MTUS2: variants seen among roughly 807,000 people sequenced by gnomAD.
MTUS2 encodes microtubule-associated tumor suppressor candidate 2.
In MTUS2, 40 loss-of-function variants were observed where a neutral mutation model predicts 114.1. The observed-to-expected ratio is 0.35, with a 90% confidence interval of 0.27 to 0.46. The LOEUF (loss-of-function observed/expected upper bound fraction) is 0.46, where lower values mean the gene tolerates loss of function less well. Among genes scored for constraint, MTUS2 ranks in the 20% least tolerant of loss-of-function variants. The pLI, the probability that MTUS2 is intolerant of heterozygous loss-of-function variation, is 1.00. For synonymous variants in MTUS2, 688 were observed against 672.0 expected (o/e 1.02, Z -0.37); for missense variants, 1,679 against 1,705.4 (o/e 0.98, Z 0.27).
rs1874043692 is a variant in MTUS2 at position 28,823,409 on chromosome 13, TTTCTCTGAAATGATTTC to T, written c.-316+2800_-316+2816del. 2.0e-5 allele frequency among the ~76,000 whole-genome samples: 3 copies of T among 152,220 alleles called. No homozygotes were observed. In the South Asian group the frequency reaches 6.2e-4, roughly 31 times the overall value. On this transcript the variant is annotated intron_variant, in intron 1 of 15. Coordinates refer to ENST00000612955, the MANE Select transcript of MTUS2 (RefSeq NM_001033602.4). ...TGAAAAGAGTCAAGGAGTTTCCCCT[TTTCTCTGAAATGATTTC>T]TACTTCCTATGTGAATTTGGATGCC...
chr13:29,143,899 G>A (rs1219610669), intron 5 of MTUS2, among the ~76,000 whole-genome samples: 2 of 152,208 alleles, frequency 1.3e-5, no homozygotes. Context: ...TTAACCAAGA[G>A]ATATTAGAGG....
At chr13:29,273,490 T>G (rs1897951868) in intron 5 of MTUS2, among the ~76,000 whole-genome samples, 1 of 152,130 alleles carries the variant, frequency 6.6e-6, no homozygotes, top group Admixed American at 6.5e-5. Flanking sequence ...GAATCACAAT[T>G]TAAGGAACTT....
In MTUS2 at chr13:29,495,411, G is replaced by A. The variant is rs185894686; in HGVS notation, c.3580-1827G>A. On this transcript the variant is annotated intron_variant, in intron 12 of 15. Coordinates refer to ENST00000612955, the MANE Select transcript of MTUS2 (RefSeq NM_001033602.4). ...TAACTGGAAAAGAGAACAAAAAAGAGGAAAAGAAACCTACTCAGGGAGGTT... is the reference window on the plus strand; with the variant it reads ...TAACTGGAAAAGAGAACAAAAAAGAAGAAAAGAAACCTACTCAGGGAGGTT... Among the ~76,000 whole-genome samples, 6 of 149,186 alleles carry A rather than the reference G, an allele frequency of 4.0e-5. No individual in the cohort carries two copies. In the East Asian group the frequency reaches 9.8e-4, roughly 24 times the overall value.
intron 2 of MTUS2, among the ~76,000 whole-genome samples, chr13:28,863,890 C>T (rs1369196039): frequency 6.6e-6 from 1 of 152,106 alleles, no homozygotes; most frequent in Non-Finnish European, 1.5e-5. Flanking sequence ...GAGATAGGTT[C>T]TCACTATGTC....
intron 5 of MTUS2, among the ~76,000 whole-genome samples, chr13:29,227,258 C>CAAAAAAA (rs10680419): frequency 1.7e-5 from 2 of 120,630 alleles, no homozygotes; most frequent in East Asian, 2.2e-4. Context: ...GACTCCGTCT[C>CAAAAAAA]AAAAAAAAAA....
intron 6 of MTUS2, among the ~76,000 whole-genome samples, chr13:29,289,955 C>G (rs1898638850): frequency 6.6e-6 from 1 of 152,188 alleles, no homozygotes; most frequent in Admixed American, 6.5e-5. Flanking sequence ...ACCCCACATT[C>G]TGCTCTGCCC....
At chr13:28,851,645 G>C (rs1178457944) in intron 2 of MTUS2, among the ~76,000 whole-genome samples, 2 of 152,192 alleles carry the variant, frequency 1.3e-5, no homozygotes, top group African/African-American at 4.8e-5. Flanking sequence ...CCTGAAGCAC[G>C]CACAGTTCCA....
intron 9 of MTUS2, among the ~76,000 whole-genome samples, chr13:29,468,560 G>A (rs1479034708): frequency 6.6e-6 from 1 of 151,516 alleles, no homozygotes; most frequent in Non-Finnish European, 1.5e-5. Context: ...CAGCCCCGGT[G>A]ACAGGGTGAG....
chr13:29,429,309 A>G (rs534105898), intron 8 of MTUS2, among the ~76,000 whole-genome samples: 1 of 152,364 alleles, frequency 6.6e-6, no homozygotes, highest in South Asian at 2.1e-4. Context: ...GCTAACTTTG[A>G]AAGTTTACCA....
At chr13:29,487,253 G>T (rs536889060) in intron 10 of MTUS2, among the ~76,000 whole-genome samples, 165 of 152,260 alleles carry the variant, frequency 1.1e-3, no homozygotes, top group Non-Finnish European at 1.9e-3. Context: ...AGTCTTGCTT[G>T]GGGGAGGTGA....
intron 5 of MTUS2, among the ~76,000 whole-genome samples, chr13:29,108,659 A>G (rs765755084): frequency 6.6e-6 from 1 of 152,190 alleles, no homozygotes; most frequent in Non-Finnish European, 1.5e-5. Context: ...ACATAAAGCC[A>G]TGCAGGGAAA....
chr13:28,855,937 T>C (rs545155067), intron 2 of MTUS2, among the ~76,000 whole-genome samples: 3 of 152,308 alleles, frequency 2.0e-5, no homozygotes, highest in African/African-American at 7.2e-5. Flanking sequence ...CAGTATCTGT[T>C]GTTTCTTGAC....
intron 5 of MTUS2, among the ~76,000 whole-genome samples, chr13:29,113,507 G>A (rs898879464): frequency 1.2e-4 from 19 of 152,248 alleles, no homozygotes; most frequent in African/African-American, 4.1e-4. Context: ...CTCTTGATAC[G>A]GTAGCCACTA....
At chr13:29,457,061 C>T (rs1056404274) in intron 9 of MTUS2, among the ~76,000 whole-genome samples, 48 of 150,608 alleles carry the variant, frequency 3.2e-4, no homozygotes, top group Non-Finnish European at 7.4e-5. Flanking sequence ...AGGAGAATGG[C>T]GTGAACCCAG....
rs1027653972 is a variant in MTUS2 at position 29,380,945 on chromosome 13, A to G, written c.3117+21472A>G. Among the ~76,000 whole-genome samples, 89 of 151,650 alleles carry G rather than the reference A, an allele frequency of 5.9e-4. 16 individuals are homozygous for G. Among genetic ancestry groups the G allele is most frequent in the African/African-American group, 2.0e-3 (84 of 41,122 alleles). ...CTCAAAAAAAAAAAAAAAAAAAAAA[A>G]AAAGACATCAGCTTTGGCTGCTGAC... On this transcript the variant is annotated intron_variant, in intron 8 of 15. Coordinates refer to ENST00000612955, the MANE Select transcript of MTUS2 (RefSeq NM_001033602.4).
At chr13:29,138,725 A>G (rs769381346) in intron 5 of MTUS2, among the ~76,000 whole-genome samples, 1 of 148,644 alleles carries the variant, frequency 6.7e-6, no homozygotes, top group Non-Finnish European at 1.5e-5. Flanking sequence ...ATGATAAATA[A>G]ATTTTTTCTT....
intron 5 of MTUS2, among the ~76,000 whole-genome samples, chr13:29,159,373 T>C (rs970207077): frequency 6.6e-5 from 10 of 152,170 alleles, no homozygotes; most frequent in Admixed American, 2.6e-4. Context: ...ATACGTACTC[T>C]GGACTTAAAT....
chr13:29,341,711 C>T (rs1211009888), intron 7 of MTUS2, among the ~76,000 whole-genome samples: 1 of 152,046 alleles, frequency 6.6e-6, no homozygotes, highest in African/African-American at 2.4e-5. Context: ...TCATAAAATC[C>T]TTGCCAAAGC....
Position 29,026,028 on chromosome 13 carries a change from C to A in MTUS2, c.1330C>A (p.Leu444Met). The A allele has an allele frequency of 6.2e-7, 1 of 1,613,960 alleles. No individual in the cohort carries two copies. The highest frequency in any genetic ancestry group is 8.5e-7 in the Non-Finnish European group (1 of 1,179,888). ...TCATGTGGCTTTTATTCCTAATAAT[C>A]TGACTGACAGCAAGCCCTTGGATGT... Reference protein sequence around the residue: ...DSHVAFIPNNLTDSKPLDVIE... With the variant: ...DSHVAFIPNNMTDSKPLDVIE... The change falls in exon 3 of 16, where the codon CTG becomes ATG. Residue 444 changes from leucine (L) to methionine (M), a missense_variant. Transcript: ENST00000612955.
Sources: allele counts gnomAD v4.1 joint callset (sites outside exome capture counted in the v4.1 genomes callset), GRCh38; gene constraint gnomAD v4.1.1; transcripts MANE v1.5; gene names NCBI Gene and HGNC (gene_info 2026-07-23, HGNC 2026-07-21).